KDM5B: variants seen among roughly 807,000 people sequenced by gnomAD.
The protein encoded by KDM5B is lysine demethylase 5B.
In KDM5B, 144 loss-of-function variants were observed where a neutral mutation model predicts 193.4. That is an observed-to-expected ratio of 0.74 (90% confidence interval 0.65 to 0.86). The LOEUF (loss-of-function observed/expected upper bound fraction) is 0.86, where lower values mean the gene tolerates loss of function less well. Ranked by LOEUF, KDM5B falls within the 40% of genes least tolerant of loss-of-function variation. KDM5B has a pLI of 0.00. For missense variants in KDM5B, 1,833 were observed against 1,886.9 expected, an observed-to-expected ratio of 0.97 and a Z score of 0.53; for synonymous variants, 668 against 682.6, an observed-to-expected ratio of 0.98 and a Z score of 0.33.
At position 202,739,651 on chromosome 1, in the gene KDM5B, T is replaced by C. The variant is rs554868216; in HGVS notation, c.3084+1023A>G. 3.9e-5 allele frequency among the ~76,000 whole-genome samples: 6 copies of C among 152,256 alleles called. No individual in the cohort carries two copies. In the South Asian group the frequency reaches 1.0e-3, roughly 26 times the overall value. On this transcript the variant is annotated intron_variant, in intron 20 of 26. Transcript: ENST00000367265. Reference sequence around the variant, plus strand: ...CGGCAGTGTTTGTGTCCCTGGGTACTTGAGATTAGGGAGTGGTGATGATTC... The same window carrying C: ...CGGCAGTGTTTGTGTCCCTGGGTACCTGAGATTAGGGAGTGGTGATGATTC...
chr1:202,797,720 C>T (rs1366342856), intron 1 of KDM5B, among the ~76,000 whole-genome samples: 3 of 152,332 alleles, frequency 2.0e-5, no homozygotes, highest in African/African-American at 7.2e-5. Flanking sequence ...CACAATGTCA[C>T]AGTCATCCCA....
chr1:202,781,823 C>A (rs868234714), intron 1 of KDM5B, among the ~76,000 whole-genome samples: 1 of 152,180 alleles, frequency 6.6e-6, no homozygotes, highest in South Asian at 2.1e-4. Context: ...TCTTAACATA[C>A]TTTCAAAATG....
At chr1:202,764,206 C>A in intron 5 of KDM5B, 61 bp from the exon 6 acceptor site, 2 of 890,504 alleles carry the variant, frequency 2.2e-6, no homozygotes, top group Non-Finnish European at 3.4e-6. Flanking sequence ...TTTAAAAATC[C>A]AACTGGAATC....
intron 7 of KDM5B, among the ~76,000 whole-genome samples, chr1:202,762,137 C>A (rs1656274053): frequency 6.6e-6 from 1 of 152,176 alleles, no homozygotes; most frequent in South Asian, 2.1e-4. Context: ...GAATAAACAG[C>A]TCCCAGCCCT....
At chr1:202,750,436 G>A (rs141781960) in intron 13 of KDM5B, among the ~76,000 whole-genome samples, 187 of 152,036 alleles carry the variant, frequency 1.2e-3, no homozygotes, top group African/African-American at 4.4e-3. Flanking sequence ...CCACCGCCAC[G>A]CCTAATTTTT....
At chr1:202,754,029 T>G (rs974274734) in intron 11 of KDM5B, among the ~76,000 whole-genome samples, 1 of 152,232 alleles carries the variant, frequency 6.6e-6, no homozygotes, top group South Asian at 2.1e-4. Context: ...TATCACAGTT[T>G]CCTAAAGCAA....
chr1:202,799,672 T>G (rs1361713230), intron 1 of KDM5B, among the ~76,000 whole-genome samples: 1 of 146,676 alleles, frequency 6.8e-6, no homozygotes, highest in Non-Finnish European at 1.5e-5. Flanking sequence ...AAAAAAAAAG[T>G]AATTTTTAAA....
chr1:202,745,061 T>C (rs1031311040), intron 16 of KDM5B, among the ~76,000 whole-genome samples: 1 of 152,114 alleles, frequency 6.6e-6, no homozygotes, highest in Non-Finnish European at 1.5e-5. Flanking sequence ...GGAAAGCAAA[T>C]ACTGCATATT....
At chr1:202,805,402 C>T (rs1255541377) in intron 1 of KDM5B, among the ~76,000 whole-genome samples, 1 of 152,166 alleles carries the variant, frequency 6.6e-6, no homozygotes, top group Non-Finnish European at 1.5e-5. Context: ...AGAAGCCAAG[C>T]AGTTTGGGAG....
chr1:202,752,821 C>T, intron 12 of KDM5B, 84 bp downstream of exon 12: 3 of 1,316,004 alleles, frequency 2.3e-6, no homozygotes, highest in Non-Finnish European at 3.2e-6. Context: ...AGAACTAAAT[C>T]AACATCATAA....
At chr1:202,740,574 G>C in intron 20 of KDM5B, 100 bp downstream of exon 20, 1 of 1,152,328 alleles carries the variant, frequency 8.7e-7, no homozygotes, top group East Asian at 2.7e-5. Flanking sequence ...GCGGCTGGCC[G>C]GGTCGGGGGC....
At chr1:202,774,425 A>G (rs1205628826) in intron 3 of KDM5B, among the ~76,000 whole-genome samples, 188 bp downstream of exon 3, 2 of 152,046 alleles carry the variant, frequency 1.3e-5, no homozygotes, top group African/African-American at 2.4e-5. Context: ...AATTTTTTGT[A>G]AACACAGGGT....
intron 16 of KDM5B, among the ~76,000 whole-genome samples, chr1:202,744,448 C>T (rs1655469949): frequency 6.6e-6 from 1 of 152,188 alleles, no homozygotes; most frequent in African/African-American, 2.4e-5. Flanking sequence ...GTCCCAGCTA[C>T]ACAGGAGGCT....
chr1:202,808,383 T>C lies in KDM5B; in HGVS notation c.-78A>G. ...CGAGCTCCGCTCGGTCCGAGACCCG[T>C]GCAGACGCGGCTCGAGCAACAGCAA... On this transcript the variant is annotated 5_prime_UTR_variant, in exon 1 of 27. Coordinates refer to ENST00000367265, the MANE Select transcript of KDM5B (RefSeq NM_006618.5). 7.5e-7 allele frequency: 1 copy of C among 1,336,098 alleles called. No homozygotes were observed. Among genetic ancestry groups the C allele is most frequent in the Non-Finnish European group, 1.0e-6 (1 of 1,001,898 alleles). 82.8% of individuals were successfully genotyped at this position (1,336,098 alleles called of 1,614,324 possible). A position where few individuals can be genotyped will look rare whatever the true frequency, so the allele number is the denominator to read the frequency against.
At chr1:202,786,876 G>A (rs569205364) in intron 1 of KDM5B, among the ~76,000 whole-genome samples, 111 of 152,044 alleles carry the variant, frequency 7.3e-4, no homozygotes, top group Non-Finnish European at 1.3e-3. Context: ...CAGAAACCCC[G>A]TCTTTATAAA....
intron 20 of KDM5B, among the ~76,000 whole-genome samples, chr1:202,739,719 A>T (rs992417376): frequency 6.6e-6 from 1 of 152,202 alleles, no homozygotes; most frequent in Non-Finnish European, 1.5e-5. Context: ...AACAAAGCAC[A>T]TCTTGCACCG....
chr1:202,770,393 T>C (rs1280343522), intron 4 of KDM5B, among the ~76,000 whole-genome samples: 1 of 152,204 alleles, frequency 6.6e-6, no homozygotes, highest in East Asian at 1.9e-4. Context: ...ACTTACACCC[T>C]ACTTCACCCT....
chr1:202,795,114 T>C (rs909676296), intron 1 of KDM5B, among the ~76,000 whole-genome samples: 4 of 152,010 alleles, frequency 2.6e-5, no homozygotes, highest in Admixed American at 1.3e-4. Context: ...CTCAAGAGGC[T>C]GAGGCATGAG....
At chr1:202,740,563 G>A (rs1655290883) in intron 20 of KDM5B, 111 bp downstream of exon 20, 3 of 1,012,756 alleles carry the variant, frequency 3.0e-6, no homozygotes, top group Non-Finnish European at 4.1e-6. Flanking sequence ...TCCCGGACGG[G>A]GCGGCTGGCC....
Sources: allele counts gnomAD v4.1 joint callset (sites outside exome capture counted in the v4.1 genomes callset), GRCh38; gene constraint gnomAD v4.1.1; transcripts MANE v1.5; gene names NCBI Gene and HGNC (gene_info 2026-07-23, HGNC 2026-07-21).